PDE12: variants seen among roughly 807,000 people sequenced by gnomAD.
PDE12 encodes 2',5'-phosphodiesterase 12.
Under a neutral mutation model 45.4 loss-of-function variants are expected in PDE12, and 26 were observed. The observed-to-expected ratio is 0.57, with a 90% CI of 0.42 to 0.79. PDE12 has a LOEUF of 0.79. PDE12 is among the 30% of genes least tolerant of loss of function. The pLI is 0.00. For missense variants in PDE12, 668 were observed against 790.0 expected (o/e 0.85, Z 1.85); for synonymous variants, 283 against 323.9 (o/e 0.87, Z 1.36).
chr3:57,567,729 T>C (rs985199132), downstream of PDE12, among the ~76,000 whole-genome samples: 1 of 152,090 alleles, frequency 6.6e-6, no homozygotes, highest in Non-Finnish European at 1.5e-5. Context: ...TAACCAATAT[T>C]TACATTATTG....
chr3:57,603,926 A>AT, the PDE12 span, among the ~76,000 whole-genome samples: 1,183 of 125,472 alleles, frequency 9.4e-3, 4 homozygotes, highest in African/African-American at 0.018. Flanking sequence ...CCAGCCCAGA[A>AT]TTTTTTTTTT....
chr3:57,610,079 C>T, the PDE12 span, among the ~76,000 whole-genome samples: 3 of 152,142 alleles, frequency 2.0e-5, no homozygotes, highest in South Asian at 6.3e-4. Flanking sequence ...GCTGGTTCAA[C>T]ATACGCAAAT....
At chr3:57,654,716 GGA>G in the PDE12 span, 1 of 984,516 alleles carries the variant, frequency 1.0e-6, no homozygotes, top group Admixed American at 6.1e-5. Context: ...CGTGGTCCAT[GGA>G]ATAGACCTTG....
chr3:57,654,369 A>G, the PDE12 span, among the ~76,000 whole-genome samples: 1 of 152,230 alleles, frequency 6.6e-6, no homozygotes, highest in African/African-American at 2.4e-5. Context: ...AGATAGCATC[A>G]GATACATTTT....
At chr3:57,569,847 A>AC (rs2069819661), downstream of PDE12, among the ~76,000 whole-genome samples, 1 of 151,538 alleles carries the variant, frequency 6.6e-6, no homozygotes, top group Non-Finnish European at 1.5e-5. Context: ...AAAAAAAAAA[A>AC]AAAAAGGTAA....
chr3:57,606,348 T>TA, the PDE12 span, among the ~76,000 whole-genome samples: 1 of 152,022 alleles, frequency 6.6e-6, no homozygotes, highest in South Asian at 2.1e-4. Flanking sequence ...ATAGGGAAAG[T>TA]AAAAAAGGTC....
chr3:57,605,814 A>C, the PDE12 span, among the ~76,000 whole-genome samples: 1 of 152,198 alleles, frequency 6.6e-6, no homozygotes, highest in African/African-American at 2.4e-5. Flanking sequence ...TATTTTTAAA[A>C]GACTTGAGCA....
the PDE12 span, among the ~76,000 whole-genome samples, chr3:57,640,992 A>G: frequency 6.6e-6 from 1 of 151,632 alleles, no homozygotes; most frequent in Non-Finnish European, 1.5e-5. Flanking sequence ...CTAAATCAAT[A>G]ACCTGTGCTA....
Position 57,561,624 on chromosome 3 carries a change from T to C in PDE12, c.*1620T>C. 1.0e-6 allele frequency: 1 copy of C among 985,282 alleles called. No individual in the cohort carries two copies. Among genetic ancestry groups the C allele is most frequent in the Non-Finnish European group, 1.2e-6 (1 of 829,806 alleles). 61.0% of individuals were successfully genotyped at this position (985,282 alleles called of 1,614,324 possible). ...TGTTCAGGATAACTATGTTATCTCA[T>C]TTCTGCATTTAATTAATAGCTCGAG... On this transcript the variant is annotated 3_prime_UTR_variant, in exon 3 of 3. Transcript: ENST00000311180.
At chr3:57,634,629 G>A in the PDE12 span, 3 of 1,484,730 alleles carry the variant, frequency 2.0e-6, no homozygotes, top group Non-Finnish European at 1.8e-6. Context: ...ACTCCTAAGA[G>A]CAAAGAAAAG....
At chr3:57,601,743 CTTTTTTTTTTT>C in the PDE12 span, among the ~76,000 whole-genome samples, 83 of 103,744 alleles carry the variant, frequency 8.0e-4, no homozygotes, top group East Asian at 0.019. Context: ...TTCTTTCCTT[CTTTTTTTTTTT>C]TTTTTTTTTT....
rs1233084670 is a variant in PDE12 at position 57,562,142 on chromosome 3, G to A, written c.*2138G>A. 2 of 972,054 alleles carry A rather than the reference G, an allele frequency of 2.1e-6. No individual in the cohort carries two copies. Among genetic ancestry groups the A allele is most frequent in the African/African-American group, 3.5e-5 (2 of 56,864 alleles). 60.2% of individuals were successfully genotyped at this position (972,054 alleles called of 1,614,324 possible). The stretch of plus-strand genomic sequence containing the variant: ...TTAGAGTGACTTGGGAGAAAACAAA[G>A]TGTCACATCAAAAAGTTGAGAAACA... On this transcript the variant is annotated 3_prime_UTR_variant, in exon 3 of 3. Transcript: ENST00000311180.
At chr3:57,645,515 C>G in the PDE12 span, 1 of 532,554 alleles carries the variant, frequency 1.9e-6, no homozygotes, top group African/African-American at 2.0e-5. Context: ...GGTACTAACT[C>G]TTAAAATCTA....
chr3:57,578,337 TG>T, the PDE12 span, among the ~76,000 whole-genome samples: 1 of 151,410 alleles, frequency 6.6e-6, no homozygotes, highest in Non-Finnish European at 1.5e-5. Flanking sequence ...GGAGGATCAC[TG>T]GAGCCCAGCA....
At chr3:57,651,345 G>A in the PDE12 span, among the ~76,000 whole-genome samples, 1,981 of 152,296 alleles carry the variant, frequency 0.013, 48 homozygotes, top group African/African-American at 0.045. Context: ...AGGAGCATCT[G>A]TACTGATTCA....
chr3:57,575,545 T>TA, the PDE12 span: 1 of 1,609,552 alleles, frequency 6.2e-7, no homozygotes, highest in Admixed American at 1.7e-5. Context: ...TCCAAATACT[T>TA]ACTGTTCTGT....
At chr3:57,575,791 C>T in the PDE12 span, 8 of 1,143,602 alleles carry the variant, frequency 7.0e-6, no homozygotes, top group Non-Finnish European at 9.4e-6. Context: ...CCTAATTTCT[C>T]GACACAAAGT....
In PDE12 at chr3:57,557,351, C is replaced by A. The variant is rs765985693; in HGVS notation, c.972C>A (p.Tyr324Ter). ...RTVLYPYCAP[Y>*]ALELDYRQNL... is the part of the protein sequence containing the mutation. Reference sequence around the variant, plus strand: ...TTCTGTACCCATACTGTGCCCCCTACGCCCTGGAGCTCGACTACCGCCAGA... The same window carrying A: ...TTCTGTACCCATACTGTGCCCCCTAAGCCCTGGAGCTCGACTACCGCCAGA... The change falls in exon 1 of 3, where the codon TAC becomes TAA. Residue 324 changes from tyrosine (Y) to a stop codon, truncating the protein, a stop_gained. Transcript: ENST00000311180. LOFTEE classifies it high-confidence loss of function. The A allele has an allele frequency of 5.0e-6, 8 of 1,613,952 alleles. No individual in the cohort carries two copies. The highest frequency in any genetic ancestry group is 6.8e-6 in the Non-Finnish European group (8 of 1,180,020).
intron 1 of PDE12, among the ~76,000 whole-genome samples, chr3:57,558,971 C>T (rs951127800): frequency 1.3e-5 from 2 of 151,586 alleles, no homozygotes; most frequent in African/African-American, 4.8e-5. Context: ...CCTGTAATCC[C>T]AGCACTTTGG....
Sources: allele counts gnomAD v4.1 joint callset (sites outside exome capture counted in the v4.1 genomes callset), GRCh38; gene constraint gnomAD v4.1.1; transcripts MANE v1.5; gene names NCBI Gene and HGNC (gene_info 2026-07-23, HGNC 2026-07-21).